Variants in WWTR1 observed in about 807,000 individuals in gnomAD.
WWTR1 encodes WW domain containing transcription regulator 1, also known as WW domain-containing transcription regulator protein 1.
A neutral mutation model predicts 40.1 loss-of-function variants in WWTR1; 13 were observed. The observed-to-expected ratio is 0.32, with a 90% CI of 0.21 to 0.52. The LOEUF (loss-of-function observed/expected upper bound fraction) is 0.52, where lower values mean the gene tolerates loss of function less well. WWTR1 is among the 20% of genes least tolerant of loss of function. The pLI is 0.97. For synonymous variants in WWTR1, 230 were observed against 210.1 expected, an observed-to-expected ratio of 1.09 and a Z score of -0.82; for missense variants, 436 against 523.1, an observed-to-expected ratio of 0.83 and a Z score of 1.63.
At chr3:149,589,734 A>AGG (rs1246837997) in intron 2 of WWTR1, among the ~76,000 whole-genome samples, 1 of 152,002 alleles carries the variant, frequency 6.6e-6, no homozygotes, top group East Asian at 1.9e-4. Context: ...GACTAAATGC[A>AGG]GAAGGCCTTA....
chr3:149,703,720 T>G (rs1404566403), upstream of WWTR1, among the ~76,000 whole-genome samples: 3 of 152,058 alleles, frequency 2.0e-5, no homozygotes, highest in African/African-American at 7.2e-5. Context: ...ATGAGTGAGT[T>G]CTCACTCTAT....
At chr3:149,716,598 T>G (rs1373375869) in intron 5 of WWTR1, among the ~76,000 whole-genome samples, 2 of 152,086 alleles carry the variant, frequency 1.3e-5, no homozygotes, top group East Asian at 3.9e-4. Context: ...AAAAAAAAAT[T>G]ATATTTTAAC....
At chr3:149,617,918 C>T (rs1740066405) in intron 2 of WWTR1, among the ~76,000 whole-genome samples, 1 of 151,394 alleles carries the variant, frequency 6.6e-6, no homozygotes, top group African/African-American at 2.5e-5. Context: ...CAGAATATTC[C>T]ACCATTGGCT....
At chr3:149,523,425 C>G (rs57015978) in intron 6 of WWTR1, among the ~76,000 whole-genome samples, 17,877 of 152,050 alleles carry the variant, frequency 0.12, 1,158 homozygotes, top group South Asian at 0.19. Context: ...ATTTTGTATT[C>G]TTAGTAGACA....
intron 3 of WWTR1, among the ~76,000 whole-genome samples, chr3:149,553,671 A>T (rs1384885068): frequency 6.6e-6 from 1 of 152,240 alleles, no homozygotes; most frequent in Non-Finnish European, 1.5e-5. Context: ...TGAAAGAAGC[A>T]AGCCAAAACA....
At chr3:149,600,518 C>T (rs1311229780) in intron 2 of WWTR1, among the ~76,000 whole-genome samples, 1 of 152,192 alleles carries the variant, frequency 6.6e-6, no homozygotes, top group Non-Finnish European at 1.5e-5. Flanking sequence ...GACACTCACT[C>T]CACTCACCTG....
chr3:149,546,496 A>G (rs891669089), intron 3 of WWTR1, among the ~76,000 whole-genome samples: 6 of 152,202 alleles, frequency 3.9e-5, no homozygotes, highest in Admixed American at 2.0e-4. Context: ...TGGTTAGAAA[A>G]GGTGGGGCAT....
At chr3:149,668,398 G>A (rs1213942135) in intron 2 of WWTR1, among the ~76,000 whole-genome samples, 2 of 152,076 alleles carry the variant, frequency 1.3e-5, no homozygotes, top group Admixed American at 6.6e-5. Flanking sequence ...CCTGAGGTCA[G>A]GAGTTTGAGA....
intron 5 of WWTR1, among the ~76,000 whole-genome samples, chr3:149,527,308 C>A (rs1469551017): frequency 1.3e-5 from 2 of 151,898 alleles, no homozygotes; most frequent in Admixed American, 1.3e-4. Flanking sequence ...CCACCATGCC[C>A]TGCTAATTTT....
chr3:149,710,171 C>T (rs972297096), intron 5 of WWTR1, among the ~76,000 whole-genome samples: 1 of 152,174 alleles, frequency 6.6e-6, no homozygotes, highest in African/African-American at 2.4e-5. Flanking sequence ...AGTTTATTCC[C>T]ATGTTTTCAG....
intron 3 of WWTR1, among the ~76,000 whole-genome samples, chr3:149,560,835 T>C (rs1326243780): frequency 6.6e-6 from 1 of 152,156 alleles, no homozygotes; most frequent in African/African-American, 2.4e-5. Context: ...CTTCCATTTA[T>C]GGCTTAGTCA....
At chr3:149,617,553 A>C (rs1740042039) in intron 2 of WWTR1, among the ~76,000 whole-genome samples, 1 of 152,226 alleles carries the variant, frequency 6.6e-6, no homozygotes, top group Non-Finnish European at 1.5e-5. Context: ...TAATCCCAGC[A>C]CTTTGGGATG....
At chr3:149,666,636 T>C (rs1197882862) in intron 2 of WWTR1, among the ~76,000 whole-genome samples, 1 of 152,188 alleles carries the variant, frequency 6.6e-6, no homozygotes, top group African/African-American at 2.4e-5. Flanking sequence ...CACACACGAA[T>C]CTCATAGTAA....
intron 4 of WWTR1, among the ~76,000 whole-genome samples, chr3:149,530,118 C>A (rs1196800378): frequency 6.6e-6 from 1 of 152,112 alleles, no homozygotes; most frequent in South Asian, 2.1e-4. Flanking sequence ...GAGGCTGAGG[C>A]GGGTGGATCA....
chr3:149,585,533 T>A (rs1017013683), intron 2 of WWTR1, among the ~76,000 whole-genome samples: 2 of 149,482 alleles, frequency 1.3e-5, no homozygotes, highest in Non-Finnish European at 3.0e-5. Flanking sequence ...AAGTCTCACA[T>A]AGTTCCCCCA....
At chr3:149,665,223 C>CTTCCTTTT (rs1713763561) in intron 2 of WWTR1, among the ~76,000 whole-genome samples, 1 of 102,198 alleles carries the variant, frequency 9.8e-6, no homozygotes, top group African/African-American at 3.5e-5. Flanking sequence ...AATTTCCTTT[C>CTTCCTTTT]TTTCTTTTTT....
intron 4 of WWTR1, chr3:149,540,233 C>T (rs1200577250): frequency 2.2e-6 from 1 of 456,654 alleles, no homozygotes; most frequent in East Asian, 7.0e-5. Flanking sequence ...CAGCACAACG[C>T]CCCACGTTCC....
intron 3 of WWTR1, among the ~76,000 whole-genome samples, chr3:149,556,522 T>C (rs1736833838): frequency 6.6e-6 from 1 of 152,282 alleles, no homozygotes; most frequent in African/African-American, 2.4e-5. Flanking sequence ...GAGGTTGCAG[T>C]GAGCCGAGAT....
chr3:149,618,097 G>C (rs966718291), intron 2 of WWTR1, among the ~76,000 whole-genome samples: 20 of 152,232 alleles, frequency 1.3e-4, no homozygotes, highest in African/African-American at 3.6e-4. Context: ...CTTTTTAAAG[G>C]CTACTGTCAA....
Sources: allele counts gnomAD v4.1 joint callset (sites outside exome capture counted in the v4.1 genomes callset), GRCh38; gene constraint gnomAD v4.1.1; transcripts MANE v1.5; gene names NCBI Gene and HGNC (gene_info 2026-07-23, HGNC 2026-07-21).